Variants in HOXC4 observed in about 807,000 individuals in gnomAD.
The protein encoded by HOXC4 is homeobox C4.
In HOXC4, 15 loss-of-function variants were observed where a neutral mutation model predicts 25.5. The observed-to-expected ratio is 0.59, with a 90% CI of 0.39 to 0.91. The LOEUF (loss-of-function observed/expected upper bound fraction) is 0.91, where lower values mean the gene tolerates loss of function less well. Among genes scored for constraint, HOXC4 ranks in the 40% least tolerant of loss-of-function variants. The probability of loss-of-function intolerance (pLI) is 0.00; values close to 1 mark genes in which losing one functional copy is unlikely to be tolerated. For synonymous variants in HOXC4, 165 were observed against 148.0 expected, an observed-to-expected ratio of 1.11 and a Z score of -0.83; for missense variants, 342 against 352.4, an observed-to-expected ratio of 0.97 and a Z score of 0.24.
chr12:54,041,029 C>CT (rs11441170), intron 1 of HOXC4, among the ~76,000 whole-genome samples: 51,137 of 152,052 alleles, frequency 0.34, 9,068 homozygotes, highest in East Asian at 0.63. Context: ...AACCCCTTCC[C>CT]TTCCATTCTT....
chr12:54,037,098 C>T (rs1157075280), intron 1 of HOXC4, among the ~76,000 whole-genome samples: 2 of 152,234 alleles, frequency 1.3e-5, no homozygotes, highest in Non-Finnish European at 2.9e-5. Flanking sequence ...CTGCCCTCCT[C>T]CTTCCTGTCA....
upstream of HOXC4, among the ~76,000 whole-genome samples, chr12:54,052,993 A>T (rs1379926173): frequency 6.6e-6 from 1 of 152,154 alleles, no homozygotes; most frequent in Non-Finnish European, 1.5e-5. Context: ...CTCCTTGGAG[A>T]TAATTGTCAG....
intron 1 of HOXC4, chr12:54,033,367 C>A (rs752909041): frequency 1.2e-6 from 2 of 1,612,778 alleles, no homozygotes; most frequent in Admixed American, 3.3e-5. Flanking sequence ...GCGGCCGCTC[C>A]GGGACACGCT....
At chr12:54,028,995 G>C (rs947512898) in intron 1 of HOXC4, 1 of 1,432,656 alleles carries the variant, frequency 7.0e-7, no homozygotes, top group Non-Finnish European at 9.4e-7. Flanking sequence ...TAGAAGAACG[G>C]GCGGAGAGAG....
chr12:54,029,071 C>T (rs1940864358), intron 1 of HOXC4: 1 of 782,412 alleles, frequency 1.3e-6, no homozygotes, highest in African/African-American at 1.8e-5. Flanking sequence ...CCTCTTCTGC[C>T]CCCTCAGCTC....
chr12:54,054,269 C>A lies in HOXC4; in HGVS notation c.347C>A (p.Ala116Asp). ...GCCTCCCCGTCCCCAGCCCCGCCAG[C>A]CTGCAGCCAGCCAGCCCCCGACCAT... ...ASASPSPAPP[A>D]CSQPAPDHPS... The change falls in exon 1 of 2, where the codon GCC becomes GAC. Residue 116 changes from alanine to aspartate, a missense_variant. Transcript: ENST00000430889. 1 of 1,610,084 alleles carries A rather than the reference C, an allele frequency of 6.2e-7. No homozygotes were observed. Among genetic ancestry groups the A allele is most frequent in the East Asian group, 2.2e-5 (1 of 44,780 alleles).
At chr12:54,054,497 C>G in intron 1 of HOXC4, 136 bp downstream of exon 1, 1 of 646,438 alleles carries the variant, frequency 1.5e-6, no homozygotes, top group South Asian at 2.0e-5. Context: ...TGGGTTAGCA[C>G]AATTGAACTG....
intron 1 of HOXC4, among the ~76,000 whole-genome samples, chr12:54,038,908 C>A (rs1438449345): frequency 6.6e-6 from 1 of 152,078 alleles, no homozygotes; most frequent in Non-Finnish European, 1.5e-5. Flanking sequence ...GAGCACTGCA[C>A]CCTGGGGTCA....
At position 54,055,267 on chromosome 12, in the gene HOXC4, C is replaced by T. The variant is rs1238449893; in HGVS notation, c.*62C>T. On this transcript the variant is annotated 3_prime_UTR_variant, in exon 2 of 2. Transcript: ENST00000430889. Reference sequence around the variant, plus strand: ...CACCCTCCCCTCACACACAAATTGACTCTTATTTATAGAATTTAATATATA... The same window carrying T: ...CACCCTCCCCTCACACACAAATTGATTCTTATTTATAGAATTTAATATATA... 1.9e-6 allele frequency: 1 copy of T among 536,518 alleles called. No homozygotes were observed. Among genetic ancestry groups the T allele is most frequent in the Admixed American group, 5.0e-5 (1 of 20,024 alleles). 33.2% of individuals were successfully genotyped at this position (536,518 alleles called of 1,614,324 possible).
chr12:54,053,731 C>T (rs539905922), upstream of HOXC4: 60 of 551,908 alleles, frequency 1.1e-4, no homozygotes, highest in South Asian at 1.3e-3. Context: ...ACCACCACCA[C>T]ACACACAAAA....
At chr12:54,039,738 C>G (rs1042508565) in intron 1 of HOXC4, among the ~76,000 whole-genome samples, 1 of 152,054 alleles carries the variant, frequency 6.6e-6, no homozygotes, top group Non-Finnish European at 1.5e-5. Flanking sequence ...CTCTTCCCCA[C>G]CCTCCAGCCT....
At chr12:54,020,563 A>G (rs1306999227) in intron 1 of HOXC4, 2 of 152,222 alleles carry the variant, frequency 1.3e-5, no homozygotes, top group African/African-American at 4.8e-5. Flanking sequence ...AGGCTTAAAT[A>G]TACAGACTCA....
At chr12:54,037,881 T>C (rs1941213976) in intron 1 of HOXC4, 1 of 152,234 alleles carries the variant, frequency 6.6e-6, no homozygotes, top group Non-Finnish European at 1.5e-5. Flanking sequence ...ATATATAATC[T>C]TAACTGTCCA....
chr12:54,027,571 TTCTC>T (rs1169899914), intron 1 of HOXC4, among the ~76,000 whole-genome samples: 1 of 152,216 alleles, frequency 6.6e-6, no homozygotes, highest in African/African-American at 2.4e-5. Flanking sequence ...CTCTCTCTCT[TTCTC>T]TCTGTCTTTC....
chr12:54,043,674 G>A (rs370256408), intron 1 of HOXC4, among the ~76,000 whole-genome samples: 1 of 148,694 alleles, frequency 6.7e-6, no homozygotes, highest in Non-Finnish European at 1.5e-5. Context: ...GCTGACTCCA[G>A]GGATGGTGGC....
At chr12:54,023,951 A>G (rs11609476) in intron 1 of HOXC4, among the ~76,000 whole-genome samples, 4,531 of 152,298 alleles carry the variant, frequency 0.03, 101 homozygotes, top group Non-Finnish European at 0.045. Flanking sequence ...TTTGACTAGG[A>G]GTTCCATGGA....
rs1315019395 is a variant in HOXC4 at position 54,034,277 on chromosome 12, G to C, written c.-124+16863G>C. 46 of 1,613,054 alleles carry C rather than the reference G, an allele frequency of 2.9e-5. No individual in the cohort carries two copies. In the South Asian group the frequency reaches 4.9e-4, roughly 17 times the overall value. On this transcript the variant is annotated intron_variant, in intron 1 of 3. Coordinates refer to the HOXC4 transcript ENST00000303406. ...GGCTTGGGGTGGGGTTTATGTTCCA[G>C]AGACGGACGGCAAGCGGTCCCGAAC...
rs1174239542 is a variant in HOXC4, at chr12:54,033,027, G to A, written c.-124+15613G>A. 3.5e-5 allele frequency: 33 copies of A among 934,798 alleles called. No individual in the cohort carries two copies. In the East Asian group the frequency reaches 8.2e-4, roughly 23 times the overall value. 57.9% of individuals were successfully genotyped at this position (934,798 alleles called of 1,614,324 possible). ...AAAGAGATATCTCCACCTATAAATT[G>A]TCCACTTTGGAGAACAAAAAACCCC... On this transcript the variant is annotated intron_variant, in intron 1 of 3. Transcript: ENST00000303406.
rs1359479410 is a variant in HOXC4, at chr12:54,034,133, G to C, written c.-124+16719G>C. 1.5e-5 allele frequency: 12 copies of C among 804,394 alleles called. No individual in the cohort carries two copies. The East Asian group carries it at 2.1e-4, about 14-fold the overall frequency. 49.8% of individuals were successfully genotyped at this position (804,394 alleles called of 1,614,324 possible). A position where few individuals can be genotyped will look rare whatever the true frequency, so the allele number is the denominator to read the frequency against. On this transcript the variant is annotated intron_variant, in intron 1 of 3. Coordinates refer to the HOXC4 transcript ENST00000303406. ...CCTCTCCCGGGGCTGGGCTGGGCTG[G>C]CCCGCCTGCGGCCCGCGTGGCCTGT...
Sources: gnomAD v4.1 joint callset for allele counts (sites outside exome capture counted in the v4.1 genomes callset) on GRCh38, gnomAD v4.1.1 for gene constraint, MANE v1.5 for transcripts, NCBI Gene and HGNC (gene_info 2026-07-23, HGNC 2026-07-21) for gene names.